Variants in SPAG17 observed in about 807,000 individuals in gnomAD.
SPAG17 encodes sperm-associated antigen 17.
Under a neutral mutation model 273.6 loss-of-function variants are expected in SPAG17, and 169 were observed. The ratio of observed to expected loss-of-function variants is 0.62; its 90% CI spans 0.55 to 0.70. The LOEUF is 0.70. Among genes scored for constraint, SPAG17 ranks in the 30% least tolerant of loss-of-function variants. The probability of loss-of-function intolerance (pLI) is 0.00; values close to 1 mark genes in which losing one functional copy is unlikely to be tolerated. For missense variants in SPAG17, 2,557 were observed against 2,627.8 expected, an observed-to-expected ratio of 0.97 and a Z score of 0.59; for synonymous variants, 825 against 873.2, an observed-to-expected ratio of 0.94 and a Z score of 0.97.
At chr1:118,063,854 T>C (rs1183752721) in intron 18 of SPAG17, among the ~76,000 whole-genome samples, 1 of 151,914 alleles carries the variant, frequency 6.6e-6, no homozygotes, top group Non-Finnish European at 1.5e-5. Context: ...AGGGCTAATA[T>C]CCAGAATCTA....
intron 18 of SPAG17, among the ~76,000 whole-genome samples, chr1:118,057,969 A>G (rs910708850): frequency 6.6e-6 from 1 of 152,038 alleles, no homozygotes; most frequent in Non-Finnish European, 1.5e-5. Context: ...TAACTTTTTA[A>G]AAATCACACA....
At chr1:118,120,920 A>G (rs1251145108) in intron 3 of SPAG17, among the ~76,000 whole-genome samples, 1 of 152,222 alleles carries the variant, frequency 6.6e-6, no homozygotes, top group Non-Finnish European at 1.5e-5. Context: ...TTATTATAGA[A>G]TGAAAGGAAC....
chr1:117,958,664 G>T (rs569036898), intron 48 of SPAG17, among the ~76,000 whole-genome samples: 1 of 152,140 alleles, frequency 6.6e-6, no homozygotes, highest in East Asian at 1.9e-4. Flanking sequence ...TGGGCTGGAA[G>T]AAGAGCCTTT....
rs565305025 is a variant in SPAG17 at position 117,971,828 on chromosome 1, G to T, written c.6326+35C>A. On this transcript the variant is annotated intron_variant, in intron 45 of 48. Transcript: ENST00000336338. ...AAGACAAGTCACAGGGTAGGGAAAG[G>T]TAACCTGAGCAGACCTTTGGTCCCT... is the stretch of plus-strand genomic sequence containing the variant. 3.2e-6 allele frequency: 5 copies of T among 1,569,024 alleles called. No homozygotes were observed. In the South Asian group the frequency reaches 4.8e-5, roughly 15 times the overall value.
In SPAG17 at chr1:117,997,806, C is replaced by A. The variant is rs575935790; in HGVS notation, c.4777-1063G>T. Among the ~76,000 whole-genome samples, 33 of 152,132 alleles carry A rather than the reference C, an allele frequency of 2.2e-4. No homozygotes were observed. The South Asian group carries it at 6.6e-3, about 31-fold the overall frequency. On this transcript the variant is annotated intron_variant, in intron 32 of 48. Transcript: ENST00000336338. ...TAAAACGACATTGAAATTTGTATTTCCTATAATTTTATTGTGTCTTCTTCT... is the reference window on the plus strand; with the variant it reads ...TAAAACGACATTGAAATTTGTATTTACTATAATTTTATTGTGTCTTCTTCT...
chr1:118,038,173 T>C (rs976717937), intron 23 of SPAG17, among the ~76,000 whole-genome samples: 1 of 152,184 alleles, frequency 6.6e-6, no homozygotes, highest in Non-Finnish European at 1.5e-5. Context: ...CAAATAAGCA[T>C]ATGAAAAGAT....
intron 17 of SPAG17, among the ~76,000 whole-genome samples, chr1:118,071,317 A>G (rs1202073260): frequency 6.6e-6 from 1 of 152,246 alleles, no homozygotes; most frequent in East Asian, 1.9e-4. Context: ...CATGGAGAAG[A>G]CAACTTCAGA....
chr1:118,067,554 C>T (rs1457825289), intron 17 of SPAG17, among the ~76,000 whole-genome samples: 1 of 152,222 alleles, frequency 6.6e-6, no homozygotes, highest in East Asian at 1.9e-4. Context: ...CAACAAAACT[C>T]AACCATGCCA....
chr1:118,025,718 C>A, intron 26 of SPAG17, among the ~76,000 whole-genome samples: 1 of 152,184 alleles, frequency 6.6e-6, no homozygotes, highest in East Asian at 1.9e-4. Flanking sequence ...TCTCAAACTC[C>A]TGGCCTCAAG....
Position 118,042,007 on chromosome 1 carries a change from C to T in SPAG17, c.2850G>A (p.Glu950=). ...CTTTCTTTTCTTCCCTTAAGCGCTC[C>T]TCTTCTGCTAATCGATGTTGCTCTT... ...WKEEQHRLAE[E]ERLREEKKAE... Residue 950 remains glutamate (E), a synonymous_variant, in exon 21 of 49, where the codon GAG becomes GAA. Transcript: ENST00000336338. 1 of 1,613,264 alleles carries T rather than the reference C, an allele frequency of 6.2e-7. No individual in the cohort carries two copies. Among genetic ancestry groups the T allele is most frequent in the Non-Finnish European group, 8.5e-7 (1 of 1,179,814 alleles).
chr1:118,169,169 A>G (rs569365989), intron 1 of SPAG17, among the ~76,000 whole-genome samples: 53 of 152,342 alleles, frequency 3.5e-4, no homozygotes, highest in African/African-American at 1.2e-3. Context: ...AAATGATCAC[A>G]TATAACATCT....
Position 117,996,627 on chromosome 1 carries a change from A to T in SPAG17, c.4893T>A (p.His1631Gln). The stretch of plus-strand genomic sequence containing the variant: ...GGACATGTTCACCATAGATTTGCTG[A>T]TGATTCTTTTCAAGGTGCATAGAGG... ...SLSSMHLEKN[H>Q]QQIYGEHVPR... The change falls in exon 33 of 49, where the codon CAT becomes CAA. Residue 1631 changes from histidine (H) to glutamine (Q), a missense_variant. By Grantham distance (24) the His-to-Gln change is conservative. Transcript: ENST00000336338. The T allele has an allele frequency of 6.2e-7, 1 of 1,611,766 alleles. No homozygotes were observed.
At chr1:118,005,723 A>C in intron 31 of SPAG17, 121 bp from the exon 32 acceptor site, 1 of 674,888 alleles carries the variant, frequency 1.5e-6, no homozygotes, top group Non-Finnish European at 2.2e-6. Context: ...TGTTTGCAGG[A>C]GGAAAACATT....
At chr1:118,084,769 G>T (rs745617739) in intron 13 of SPAG17, among the ~76,000 whole-genome samples, 1 of 152,172 alleles carries the variant, frequency 6.6e-6, no homozygotes, top group Non-Finnish European at 1.5e-5. Context: ...GTAATGTAAG[G>T]AAATTGTGTT....
At chr1:118,101,200 A>C (rs1027836710) in intron 5 of SPAG17, among the ~76,000 whole-genome samples, 4 of 152,182 alleles carry the variant, frequency 2.6e-5, no homozygotes, top group African/African-American at 9.7e-5. Context: ...GAGTCACTTG[A>C]GCCCAGGTGT....
chr1:118,177,507 T>G (rs1463865426), intron 1 of SPAG17, among the ~76,000 whole-genome samples: 1 of 152,010 alleles, frequency 6.6e-6, no homozygotes. Context: ...ATATCAGTCA[T>G]GCATCTCAAA....
At chr1:118,079,984 G>A (rs1386120056) in intron 15 of SPAG17, among the ~76,000 whole-genome samples, 4 of 152,120 alleles carry the variant, frequency 2.6e-5, no homozygotes, top group Non-Finnish European at 4.4e-5. Context: ...AGACGCTATG[G>A]TATAATGGAG....
At chr1:117,986,685 G>A (rs1170118771) in intron 40 of SPAG17, among the ~76,000 whole-genome samples, 4 of 152,074 alleles carry the variant, frequency 2.6e-5, no homozygotes, top group South Asian at 2.1e-4. Flanking sequence ...TTCCTCTCAG[G>A]CAATCACTGT....
chr1:117,998,424 T>C (rs1657902427), intron 32 of SPAG17, among the ~76,000 whole-genome samples: 1 of 152,168 alleles, frequency 6.6e-6, no homozygotes, highest in Non-Finnish European at 1.5e-5. Context: ...GCATCTGTTT[T>C]AGTACTGGTA....
Sources: gnomAD v4.1 joint callset for allele counts (sites outside exome capture counted in the v4.1 genomes callset) on GRCh38, gnomAD v4.1.1 for gene constraint, MANE v1.5 for transcripts, NCBI Gene and HGNC (gene_info 2026-07-23, HGNC 2026-07-21) for gene names.